OAT: variants seen among roughly 807,000 people sequenced by gnomAD.
OAT encodes the protein ornithine aminotransferase, mitochondrial.
Under a neutral mutation model 48.4 loss-of-function variants are expected in OAT, and 35 were observed. The observed-to-expected ratio is 0.72, with a 90% CI of 0.55 to 0.96. The LOEUF is 0.96. Ranked by LOEUF, OAT falls within the 40% of genes least tolerant of loss-of-function variation. The pLI is 0.00. For synonymous variants in OAT, 182 were observed against 198.4 expected (o/e 0.92, Z 0.70); for missense variants, 438 against 537.9 (o/e 0.81, Z 1.84).
In OAT at chr10:124,403,937, A is replaced by G. The variant is rs766418222; in HGVS notation, c.649-17T>C. 3.6e-5 allele frequency: 58 copies of G among 1,613,730 alleles called. No individual in the cohort carries two copies. The highest frequency in any genetic ancestry group is 2.7e-4 in the Admixed American group (16 of 59,984). On this transcript the variant is annotated splice_polypyrimidine_tract_variant and intron_variant, in intron 5 of 9. Coordinates refer to ENST00000368845, the MANE Select transcript of OAT (RefSeq NM_000274.4). ...AAGAGCACGCTACAGAAGAAACAGG[A>G]ATAAGTTTTAATAACTTCCTTTCTA...
intron 5 of OAT, among the ~76,000 whole-genome samples, chr10:124,404,399 C>T (rs1951512474): frequency 6.6e-6 from 1 of 151,982 alleles, no homozygotes; most frequent in Admixed American, 6.6e-5. Flanking sequence ...TCCCAAGTAG[C>T]TGGGATTACA....
chr10:124,399,646 C>T (rs959607034), intron 9 of OAT, among the ~76,000 whole-genome samples: 6 of 152,146 alleles, frequency 3.9e-5, no homozygotes, highest in South Asian at 4.2e-4. Flanking sequence ...CGCCCGGCCC[C>T]TCAGGTGATT....
chr10:124,405,347 A>C, intron 5 of OAT, 89 bp downstream of exon 5: 1 of 1,576,708 alleles, frequency 6.3e-7, no homozygotes, highest in Non-Finnish European at 8.7e-7. Flanking sequence ...AATTTGCATT[A>C]CTGTCATATA....
intron 8 of OAT, 24 bp downstream of exon 8, chr10:124,401,702 C>T (rs900072109): frequency 4.8e-6 from 7 of 1,456,966 alleles, no homozygotes; most frequent in Non-Finnish European, 6.7e-6. Context: ...AGAATAGACA[C>T]TGTGTGGCTG....
intron 9 of OAT, 123 bp downstream of exon 9, chr10:124,400,717 T>C: frequency 1.3e-6 from 1 of 762,958 alleles, no homozygotes; most frequent in Non-Finnish European, 2.0e-6. Flanking sequence ...GCCACGGCAC[T>C]GCAGCCTAGG....
rs113080459 is a variant in OAT, at chr10:124,405,370, T to C, written c.648+66A>G. 0.025 allele frequency: 40,542 copies of C among 1,602,238 alleles called. 628 individuals are homozygous for C. Among genetic ancestry groups the C allele is most frequent in the Non-Finnish European group, 0.029 (34,555 of 1,172,024 alleles). On this transcript the variant is annotated intron_variant, in intron 5 of 9. Transcript: ENST00000368845. ...TTACTGTCATATAATGTACTTTTAATTCATATATTCAACAGCTTTAATTTC... is the reference window on the plus strand; with the variant it reads ...TTACTGTCATATAATGTACTTTTAACTCATATATTCAACAGCTTTAATTTC...
At chr10:124,398,595 A>G (rs1054006932) in intron 9 of OAT, among the ~76,000 whole-genome samples, 1 of 151,802 alleles carries the variant, frequency 6.6e-6, no homozygotes, top group Non-Finnish European at 1.5e-5. Context: ...CAGCAAGCAC[A>G]TAACTAGGTT....
chr10:124,411,907 T>C (rs1273394621), intron 2 of OAT, 66 bp downstream of exon 2: 14 of 1,423,842 alleles, frequency 9.8e-6, no homozygotes, highest in South Asian at 9.2e-5. Flanking sequence ...TGTGAAAATA[T>C]GGAAGCAATT....
At chr10:124,398,143 G>C in intron 9 of OAT, 41 bp from the exon 10 acceptor site, 4 of 1,609,170 alleles carry the variant, frequency 2.5e-6, no homozygotes, top group Non-Finnish European at 3.4e-6. Context: ...AAAGATAAAC[G>C]TTTAAACATC....
intron 2 of OAT, among the ~76,000 whole-genome samples, chr10:124,410,651 A>T (rs1275667975): frequency 6.6e-6 from 1 of 152,182 alleles, no homozygotes; most frequent in East Asian, 1.9e-4. Flanking sequence ...ACAAAAAATA[A>T]GCCAGGCATG....
At chr10:124,404,508 G>A (rs577993251) in intron 5 of OAT, among the ~76,000 whole-genome samples, 10 of 151,980 alleles carry the variant, frequency 6.6e-5, no homozygotes, top group African/African-American at 2.4e-4. Context: ...GGCTGGTCTC[G>A]ACTCCTGACC....
chr10:124,400,649 A>G (rs1298851876), intron 9 of OAT, among the ~76,000 whole-genome samples, 191 bp downstream of exon 9: 4 of 152,136 alleles, frequency 2.6e-5, no homozygotes, highest in Admixed American at 6.5e-5. Context: ...GCTACTCAGG[A>G]GGCTGAGGCA....
chr10:124,398,659 CAAA>C (rs33917094), intron 9 of OAT, among the ~76,000 whole-genome samples: 10,319 of 132,160 alleles, frequency 0.078, 408 homozygotes, highest in Non-Finnish European at 0.092. Flanking sequence ...AAGACCAAGC[CAAA>C]AAAAAAAAAA....
chr10:124,399,098 A>G (rs1951321879), intron 9 of OAT, among the ~76,000 whole-genome samples: 1 of 152,064 alleles, frequency 6.6e-6, no homozygotes, highest in Admixed American at 6.5e-5. Context: ...GGTATGATAC[A>G]GATGATTAAC....
Position 124,397,840 on chromosome 10 carries a change from A to G in OAT, c.*102T>C. ...ATATATTCAAAAAAAAAGTTTTTGA[A>G]GACTCATGGGAGTGGAATGTGCCCA... On this transcript the variant is annotated 3_prime_UTR_variant, in exon 10 of 10. Transcript: ENST00000368845. 1 of 1,411,104 alleles carries G rather than the reference A, an allele frequency of 7.1e-7. No individual in the cohort carries two copies. Among genetic ancestry groups the G allele is most frequent in the Non-Finnish European group, 9.8e-7 (1 of 1,016,856 alleles). The allele number at this position is 1,411,104 out of a possible 1,614,324, so 87.4% of individuals were successfully genotyped here.
At chr10:124,418,392 A>G (rs12263562) in intron 1 of OAT, among the ~76,000 whole-genome samples, 5,542 of 152,122 alleles carry the variant, frequency 0.036, 330 homozygotes, top group African/African-American at 0.13. Context: ...CCTCCCCGCC[A>G]ACCCCAGGAA....
chr10:124,404,626 T>C (rs1951520400), intron 5 of OAT, among the ~76,000 whole-genome samples: 1 of 152,170 alleles, frequency 6.6e-6, no homozygotes, highest in African/African-American at 2.4e-5. Context: ...GCTCTCCCTA[T>C]GCTGCCCAGG....
intron 1 of OAT, among the ~76,000 whole-genome samples, chr10:124,412,696 C>A (rs1951795643): frequency 6.6e-6 from 1 of 151,984 alleles, no homozygotes; most frequent in Non-Finnish European, 1.5e-5. Flanking sequence ...TAGCCCCCAG[C>A]TGCTCAGGAG....
chr10:124,404,692 C>T (rs1311129626), intron 5 of OAT, among the ~76,000 whole-genome samples: 2 of 152,230 alleles, frequency 1.3e-5, no homozygotes, highest in African/African-American at 2.4e-5. Context: ...TCCCAAAGCA[C>T]TGGGATTACA....
Sources: gnomAD v4.1 joint callset for allele counts (sites outside exome capture counted in the v4.1 genomes callset) on GRCh38, gnomAD v4.1.1 for gene constraint, MANE v1.5 for transcripts, NCBI Gene and HGNC (gene_info 2026-07-23, HGNC 2026-07-21) for gene names.